KDM2B: variants seen among roughly 807,000 people sequenced by gnomAD.
KDM2B encodes the protein lysine demethylase 2B.
In KDM2B, 26 loss-of-function variants were observed where a neutral mutation model predicts 150.0. The ratio of observed to expected loss-of-function variants is 0.17; its 90% CI spans 0.13 to 0.24. KDM2B has a LOEUF of 0.24. KDM2B is among the 10% of genes least tolerant of loss of function. The pLI is 1.00. For synonymous variants in KDM2B, 734 were observed against 729.5 expected, an observed-to-expected ratio of 1.01 and a Z score of -0.10; for missense variants, 1,265 against 1,816.9, an observed-to-expected ratio of 0.70 and a Z score of 5.52.
chr12:121,580,867 T>TG lies in KDM2B; in HGVS notation c.44dup (p.Arg16ThrfsTer21), dbSNP rs782254055. 9.3e-6 allele frequency: 15 copies of TG among 1,613,964 alleles called. No individual in the cohort carries two copies. Among genetic ancestry groups the TG allele is most frequent in the African/African-American group, 2.7e-5 (2 of 74,932 alleles). ...GCTTTTCTGCTGCATGTCTTTTTCG[T>TG]GGGGGGTGATCCTCTGCAGATCCCC... On this transcript the variant is annotated frameshift_variant, in exon 1 of 23. Coordinates refer to ENST00000377071, the MANE Select transcript of KDM2B (RefSeq NM_032590.5). LOFTEE classifies it high-confidence loss of function.
intron 12 of KDM2B, among the ~76,000 whole-genome samples, chr12:121,484,332 T>C (rs1164358049): frequency 5.3e-5 from 8 of 150,526 alleles, no homozygotes; most frequent in African/African-American, 2.0e-4. Context: ...ATGGGAGAAA[T>C]GGGGAAAAGG....
chr12:121,495,077 A>G (rs1555300716), intron 11 of KDM2B, among the ~76,000 whole-genome samples: 1 of 150,442 alleles, frequency 6.6e-6, no homozygotes, highest in Admixed American at 6.7e-5. Context: ...AGCTCACTAC[A>G]TCCTTGACCA....
intron 11 of KDM2B, among the ~76,000 whole-genome samples, chr12:121,505,034 G>A (rs576150119): frequency 1.1e-4 from 16 of 150,970 alleles, no homozygotes; most frequent in Admixed American, 3.3e-4. Flanking sequence ...GGAGAATGGC[G>A]TGAACCCGGG....
chr12:121,529,876 G>A lies in KDM2B; in HGVS notation c.931+2930C>T, dbSNP rs549958361. On this transcript the variant is annotated intron_variant, in intron 8 of 22. Coordinates refer to ENST00000377071, the MANE Select transcript of KDM2B (RefSeq NM_032590.5). ...ACCCGGGAGGCGGAGGTTGCAGTGA[G>A]CCAAGATTGCACCACCATGCTCCAG... is the stretch of plus-strand genomic sequence containing the variant. Among the ~76,000 whole-genome samples, 52 of 149,380 alleles carry A rather than the reference G, an allele frequency of 3.5e-4. No individual in the cohort carries two copies. The South Asian group carries it at 9.2e-3, about 26-fold the overall frequency.
At position 121,467,322 on chromosome 12, in the gene KDM2B, T is replaced by C. The variant is rs1880168575; in HGVS notation, c.1735-13978A>G. On this transcript the variant is annotated intron_variant, in intron 12 of 22. Transcript: ENST00000377071. This position sits in a 1 kb window ranked among gnomAD's most constrained non-coding sequence, Gnocchi z 5.1. ...CCCTGGCTCGGGCTCGGGCTCGGGC[T>C]CGGGCTCCCGCTGCCGCGAGGAGGG... 2.0e-6 allele frequency: 2 copies of C among 981,752 alleles called. No homozygotes were observed. Among genetic ancestry groups the C allele is most frequent in the East Asian group, 2.3e-4 (2 of 8,610 alleles). The allele number at this position is 981,752 out of a possible 1,614,324, so 60.8% of individuals were successfully genotyped here. A position where few individuals can be genotyped will look rare whatever the true frequency, so the allele number is the denominator to read the frequency against.
intron 4 of KDM2B, among the ~76,000 whole-genome samples, chr12:121,569,463 G>A (rs1172908475): frequency 3.9e-5 from 6 of 152,310 alleles, no homozygotes; most frequent in East Asian, 3.9e-4. Flanking sequence ...GCAGAAAGGA[G>A]AAACAGACTC....
rs1593801322 is a variant in KDM2B, at chr12:121,454,194, G to A, written c.1735-850C>T. The stretch of plus-strand genomic sequence containing the variant: ...CATCTGTTCCTTCCCTTTGAGACGG[G>A]GCACAGGAGGGCACTCACCACAGGT... On this transcript the variant is annotated intron_variant, in intron 12 of 22. Transcript: ENST00000377071. 2.0e-5 allele frequency among the ~76,000 whole-genome samples: 3 copies of A among 152,254 alleles called. No homozygotes were observed. In the East Asian group the frequency reaches 5.8e-4, roughly 29 times the overall value.
chr12:121,496,373 G>A (rs960158956), intron 11 of KDM2B, among the ~76,000 whole-genome samples: 1 of 152,128 alleles, frequency 6.6e-6, no homozygotes, highest in South Asian at 2.1e-4. Flanking sequence ...GAAGCACTGA[G>A]CAGGAAGAGC....
At chr12:121,522,375 C>T (rs568570499) in intron 8 of KDM2B, among the ~76,000 whole-genome samples, 2 of 151,690 alleles carry the variant, frequency 1.3e-5, no homozygotes, top group South Asian at 4.2e-4. Flanking sequence ...ATTAGCCAGG[C>T]GTGTTGGTGC....
At chr12:121,577,514 C>T (rs993495664) in intron 2 of KDM2B, among the ~76,000 whole-genome samples, 2 of 152,100 alleles carry the variant, frequency 1.3e-5, no homozygotes, top group African/African-American at 4.8e-5. Context: ...CCCTCACCAC[C>T]GGAGCCCAGC....
intron 4 of KDM2B, among the ~76,000 whole-genome samples, chr12:121,558,490 G>A (rs1479435649): frequency 7.2e-6 from 1 of 137,952 alleles, no homozygotes; most frequent in African/African-American, 2.8e-5. Flanking sequence ...GTCTCACTCT[G>A]TTGCCCAGGC....
At chr12:121,563,278 G>A (rs1890469643) in intron 4 of KDM2B, among the ~76,000 whole-genome samples, 1 of 152,138 alleles carries the variant, frequency 6.6e-6, no homozygotes, top group East Asian at 1.9e-4. Flanking sequence ...TTGTGCCACT[G>A]CCTGGGCGAC....
chr12:121,494,202 G>A (rs1883665470), intron 12 of KDM2B: 1 of 212,450 alleles, frequency 4.7e-6, no homozygotes, highest in South Asian at 6.4e-5. Flanking sequence ...TACACACTGA[G>A]AAAAAGTTCC....
chr12:121,444,518 C>G lies in KDM2B; in HGVS notation c.2122G>C (p.Val708Leu), dbSNP rs782607606. The change falls in exon 15 of 23, where the codon GTG becomes CTG. Residue 708 changes from valine to leucine, a missense_variant. Physicochemically the swap from Val to Leu is conservative, Grantham distance 32 (BLOSUM62 1). Transcript: ENST00000377071. ...GCLKIKESEG[V>L]VNDELPNCWE... ...CAGTTTGGAAGCTCGTCGTTGACCA[C>G]ACCCTCTGACTCCTTAATCTGCGGG... is the stretch of plus-strand genomic sequence containing the variant. 6.2e-7 allele frequency: 1 copy of G among 1,614,152 alleles called. No homozygotes were observed. The highest frequency in any genetic ancestry group is 8.5e-7 in the Non-Finnish European group (1 of 1,180,028).
At chr12:121,535,716 A>G (rs762029682) in intron 6 of KDM2B, among the ~76,000 whole-genome samples, 7 of 152,210 alleles carry the variant, frequency 4.6e-5, no homozygotes, top group Non-Finnish European at 8.8e-5. Context: ...GGAACTGGCC[A>G]GCAGCCATCC....
downstream of KDM2B, among the ~76,000 whole-genome samples, chr12:121,428,702 C>T (rs1447933843): frequency 2.0e-5 from 3 of 152,118 alleles, no homozygotes; most frequent in South Asian, 4.1e-4. Context: ...AAAAAAATTC[C>T]GTAATCTAAA....
In KDM2B at chr12:121,442,267, G is replaced by A. The variant is rs201080343; in HGVS notation, c.3174C>T (p.Asp1058=). 1.2e-3 allele frequency: 1,919 copies of A among 1,612,606 alleles called. 22 individuals are homozygous for A. In the African/African-American group the frequency reaches 0.023, roughly 19 times the overall value. ...TGTGCATGACGTGGGCTGCCCCATC[G>A]TCCAGGGGTAGCGAGTCAGGCGGGG... ...ISPPPDSLPL[D]DGAAHVMHRE... is the part of the protein sequence containing the mutation. Residue 1058 remains aspartate, a synonymous_variant, in exon 19 of 23, where the codon GAC becomes GAT. Transcript: ENST00000377071. This position sits in a 1 kb window ranked among gnomAD's most constrained non-coding sequence, Gnocchi z 7.7.
At position 121,442,899 on chromosome 12, in the gene KDM2B, C is replaced by T. The variant is rs1247829136; in HGVS notation, c.2605-63G>A. 1.4e-5 allele frequency: 22 copies of T among 1,559,652 alleles called. No individual in the cohort carries two copies. In the East Asian group the frequency reaches 2.1e-4, roughly 15 times the overall value. On this transcript the variant is annotated intron_variant, in intron 18 of 22. Coordinates refer to ENST00000377071, the MANE Select transcript of KDM2B (RefSeq NM_032590.5). This position sits in a 1 kb window ranked among gnomAD's most constrained non-coding sequence, Gnocchi z 7.7. ...TCAGGGCTGCGCCCGCCCAAGGCCT[C>T]CCGCCCCCCTGCCACGGGACTGTGG...
At chr12:121,411,356 C>T in the KDM2B span, among the ~76,000 whole-genome samples, 42 of 152,218 alleles carry the variant, frequency 2.8e-4, no homozygotes, top group Middle Eastern at 3.4e-3. Context: ...TTGTCCCCCT[C>T]CAAAATTGGT....
Sources: gnomAD v4.1 joint callset for allele counts (sites outside exome capture counted in the v4.1 genomes callset) on GRCh38, gnomAD v4.1.1 for gene constraint, Gnocchi (gnomAD v3.1) non-coding constraint, MANE v1.5 for transcripts, NCBI Gene and HGNC (gene_info 2026-07-23, HGNC 2026-07-21) for gene names.